The following GOLGA4 variants were observed in gnomAD, a reference collection of about 807,000 sequenced individuals.
GOLGA4 encodes the protein golgin subfamily A member 4.
GOLGA4 carries 169 observed loss-of-function variants against 265.9 expected under a neutral mutation model. That is an observed-to-expected ratio of 0.64 (90% CI 0.56 to 0.72). The LOEUF (loss-of-function observed/expected upper bound fraction) is 0.72. Among genes scored for constraint, GOLGA4 ranks in the 30% least tolerant of loss-of-function variants. GOLGA4 has a pLI of 0.00. For synonymous variants in GOLGA4, 923 were observed against 855.8 expected, an observed-to-expected ratio of 1.08 and a Z score of -1.37; for missense variants, 2,482 against 2,483.4, an observed-to-expected ratio of 1.00 and a Z score of 0.01.
intron 19 of GOLGA4, 105 bp from the exon 20 acceptor site, chr3:37,340,019 T>C (rs1356450338): frequency 1.8e-6 from 1 of 545,334 alleles, no homozygotes; most frequent in Non-Finnish European, 3.3e-6. Context: ...TTTGCCTATA[T>C]TCTGTCTTCA....
At chr3:37,247,490 G>C (rs1182744521) in intron 1 of GOLGA4, among the ~76,000 whole-genome samples, 2 of 152,196 alleles carry the variant, frequency 1.3e-5, no homozygotes, top group Admixed American at 6.5e-5. Context: ...CATCTGAGTA[G>C]AGCCTTGATG....
At chr3:37,300,291 G>A (rs2096889265) in intron 9 of GOLGA4, among the ~76,000 whole-genome samples, 1 of 152,106 alleles carries the variant, frequency 6.6e-6, no homozygotes, top group Non-Finnish European at 1.5e-5. Context: ...CTTTTTCTAA[G>A]CAGCTCCCAG....
intron 12 of GOLGA4, among the ~76,000 whole-genome samples, chr3:37,321,044 G>A (rs569873432): frequency 6.6e-6 from 1 of 152,240 alleles, no homozygotes; most frequent in Admixed American, 6.5e-5. Flanking sequence ...TCTGCTCTAA[G>A]CAATAGGTAT....
At chr3:37,359,975 GA>G (rs922030953) in intron 22 of GOLGA4, among the ~76,000 whole-genome samples, 1 of 152,058 alleles carries the variant, frequency 6.6e-6, no homozygotes, top group Non-Finnish European at 1.5e-5. Context: ...GTGATCACTG[GA>G]AAAAATATTA....
At chr3:37,303,023 CAA>C (rs987586598) in intron 10 of GOLGA4, among the ~76,000 whole-genome samples, 26 of 152,218 alleles carry the variant, frequency 1.7e-4, no homozygotes, top group Admixed American at 5.9e-4. Context: ...ATGGGCCTAA[CAA>C]GAGAGGTGTG....
At chr3:37,321,255 A>G (rs765795752) in intron 12 of GOLGA4, among the ~76,000 whole-genome samples, 6 of 152,192 alleles carry the variant, frequency 3.9e-5, no homozygotes, top group Admixed American at 3.3e-4. Flanking sequence ...TGTTTTATAG[A>G]TATTGTCTTG....
Position 37,336,606 on chromosome 3 carries a change from C to CA in GOLGA4, c.6307-522dup, listed in dbSNP as rs556236243. 4.7e-3 allele frequency among the ~76,000 whole-genome samples: 635 copies of CA among 136,238 alleles called. 5 individuals are homozygous for CA. The highest frequency in any genetic ancestry group is 0.013 in the African/African-American group (481 of 36,882). The allele number at this position is 136,238 out of a possible 152,430, so 89.4% of individuals were successfully genotyped here. ...AGAAACCCCATCTCTGCTAAAAATA[C>CA]AAAAAAAAAAAAAAATTAGCTGGGC... On this transcript the variant is annotated intron_variant, in intron 17 of 23. Transcript: ENST00000361924.
At chr3:37,255,084 T>C (rs2096744804) in intron 2 of GOLGA4, among the ~76,000 whole-genome samples, 1 of 151,816 alleles carries the variant, frequency 6.6e-6, no homozygotes, top group Admixed American at 6.6e-5. Flanking sequence ...ATATTAAGGC[T>C]TTTTCCAAAC....
chr3:37,302,147 T>C, intron 9 of GOLGA4, 38 bp from the exon 10 acceptor site: 1 of 1,589,682 alleles, frequency 6.3e-7, no homozygotes, highest in Non-Finnish European at 8.6e-7. Context: ...GATGCAGTTT[T>C]GTTATGCAAA....
At position 37,243,332 on chromosome 3, in the gene GOLGA4, C is replaced by A. The variant is rs949821676; in HGVS notation, c.-219C>A. 9 of 574,564 alleles carry A rather than the reference C, an allele frequency of 1.6e-5. No individual in the cohort carries two copies. Among genetic ancestry groups the A allele is most frequent in the Middle Eastern group, 4.6e-4 (1 of 2,168 alleles). 35.6% of individuals were successfully genotyped at this position (574,564 alleles called of 1,614,324 possible). ...CCCGGGGCTGGATGGGGGGCCGAGG[C>A]CAGCCAGTGGCACCCGGAAGAAAGA... On this transcript the variant is annotated 5_prime_UTR_variant, in exon 1 of 24. Transcript: ENST00000361924.
At chr3:37,345,238 A>G (rs531304415) in intron 20 of GOLGA4, among the ~76,000 whole-genome samples, 1 of 152,334 alleles carries the variant, frequency 6.6e-6, no homozygotes, top group Non-Finnish European at 1.5e-5. Flanking sequence ...TGTTCTCAGT[A>G]GTAATCTTGC....
chr3:37,326,152 C>G lies in GOLGA4; in HGVS notation c.4266C>G (p.Asp1422Glu). ...DQVQDLSFKV[D>E]TLSKEKISAL... ...TGCAAGATTTATCTTTTAAAGTTGACACTCTGAGTAAAGAGAAAATTTCTG... is the reference window on the plus strand; with the variant it reads ...TGCAAGATTTATCTTTTAAAGTTGAGACTCTGAGTAAAGAGAAAATTTCTG... The change falls in exon 14 of 24, where the codon GAC (aspartate) becomes GAG (glutamate). Residue 1422 changes from aspartate (D) to glutamate (E), a missense_variant. Physicochemically the swap from Asp to Glu is conservative, Grantham distance 45. Around this residue, in one of 3 missense-constraint regions of GOLGA4, gnomAD observed 942 missense variants for 983.1 expected, o/e 0.96. Coordinates refer to ENST00000361924, the MANE Select transcript of GOLGA4 (RefSeq NM_002078.5). 6.2e-7 allele frequency: 1 copy of G among 1,613,382 alleles called. No homozygotes were observed. Among genetic ancestry groups the G allele is most frequent in the Non-Finnish European group, 8.5e-7 (1 of 1,179,508 alleles).
chr3:37,275,215 C>CAAAAAAAAAAAAAAAAAA (rs749758741), intron 2 of GOLGA4, among the ~76,000 whole-genome samples: 4 of 44,958 alleles, frequency 8.9e-5, no homozygotes, highest in Non-Finnish European at 1.1e-4. Flanking sequence ...GACTCCGTCT[C>CAAAAAAAAAAAAAAAAAA]AAAAAAAAAA....
At chr3:37,318,829 A>G (rs973300805) in intron 11 of GOLGA4, among the ~76,000 whole-genome samples, 1 of 152,190 alleles carries the variant, frequency 6.6e-6, no homozygotes, top group African/African-American at 2.4e-5. Flanking sequence ...AATGGAGTCT[A>G]TTGTAGCAGT....
Position 37,325,750 on chromosome 3 carries a change from A to G in GOLGA4, c.3864A>G (p.Leu1288=). The part of the protein sequence containing the change: ...LRQLTEEQNT[L]NISFQQATHQ... ...AGTTGACAGAGGAGCAAAATACACT[A>G]AATATTTCTTTTCAACAGGCTACTC... Residue 1288 remains leucine, a synonymous_variant, in exon 14 of 24, where the codon CTA becomes CTG. Transcript: ENST00000361924. The G allele has an allele frequency of 6.2e-7, 1 of 1,613,718 alleles. No homozygotes were observed. Among genetic ancestry groups the G allele is most frequent in the Non-Finnish European group, 8.5e-7 (1 of 1,179,700 alleles).
intron 11 of GOLGA4, among the ~76,000 whole-genome samples, chr3:37,316,420 T>C (rs2096937766): frequency 6.6e-6 from 1 of 152,210 alleles, no homozygotes; most frequent in Non-Finnish European, 1.5e-5. Context: ...TCTGTGCTTT[T>C]ACTTATGAGT....
intron 22 of GOLGA4, 34 bp downstream of exon 22, chr3:37,355,221 G>A (rs569385497): frequency 3.8e-6 from 4 of 1,064,638 alleles, no homozygotes; most frequent in Non-Finnish European, 5.9e-6. Flanking sequence ...GATAGAAGAT[G>A]ATTTCCCATC....
chr3:37,285,542 A>G (rs563775109), intron 3 of GOLGA4, among the ~76,000 whole-genome samples: 123 of 152,364 alleles, frequency 8.1e-4, no homozygotes, highest in Non-Finnish European at 1.5e-3. Flanking sequence ...ATGATCTCTT[A>G]TAGTCCAAAG....
Position 37,325,967 on chromosome 3 carries a change from G to C in GOLGA4, c.4081G>C (p.Glu1361Gln). 1 of 1,611,920 alleles carries C rather than the reference G, an allele frequency of 6.2e-7. No individual in the cohort carries two copies. The highest frequency in any genetic ancestry group is 8.5e-7 in the Non-Finnish European group (1 of 1,178,648). Residue 1361 changes from glutamate (E) to glutamine (Q), a missense_variant, in exon 14 of 24, where the codon GAG becomes CAG. By Grantham distance (29) the Glu-to-Gln change is conservative (BLOSUM62 2). Coordinates refer to ENST00000361924, the MANE Select transcript of GOLGA4 (RefSeq NM_002078.5). ...CAATGCTGTCACATTGATGAAAGAAGAGCTTAAAGAAAAAAAAGTTGAGAT... is the reference window on the plus strand; with the variant it reads ...CAATGCTGTCACATTGATGAAAGAACAGCTTAAAGAAAAAAAAGTTGAGAT... ...NINAVTLMKE[E>Q]LKEKKVEISS...
Sources: allele counts gnomAD v4.1 joint callset (sites outside exome capture counted in the v4.1 genomes callset), GRCh38; gene constraint gnomAD v4.1.1; regional missense constraint gnomAD v4.1.1; transcripts MANE v1.5; gene names NCBI Gene and HGNC (gene_info 2026-07-23, HGNC 2026-07-21).